VIL1: variants seen among roughly 807,000 people sequenced by gnomAD.
The protein encoded by VIL1 is villin-1.
VIL1 carries 86 observed loss-of-function variants against 104.0 expected under a neutral mutation model. The observed-to-expected ratio is 0.83, with a 90% CI of 0.69 to 0.99. The LOEUF is 0.99. Among genes scored for constraint, VIL1 ranks in the 50% least tolerant of loss-of-function variants. The pLI, the probability that VIL1 is intolerant of heterozygous loss-of-function variation, is 0.00. For synonymous variants in VIL1, 394 were observed against 412.6 expected, an observed-to-expected ratio of 0.95 and a Z score of 0.55; for missense variants, 944 against 1,054.1, an observed-to-expected ratio of 0.90 and a Z score of 1.45.
chr2:218,433,443 G>GAA (rs756161512), intron 13 of VIL1, among the ~76,000 whole-genome samples: 1 of 134,800 alleles, frequency 7.4e-6, no homozygotes. Flanking sequence ...TTTAAAAAAA[G>GAA]AAAAAAAAAA....
intron 1 of VIL1, among the ~76,000 whole-genome samples, chr2:218,419,759 A>C (rs373363984): frequency 6.6e-6 from 1 of 152,118 alleles, no homozygotes; most frequent in East Asian, 1.9e-4. Flanking sequence ...CCACCCTAGC[A>C]TGCACCTCTG....
chr2:218,439,971 G>A (rs1374655066), intron 18 of VIL1, among the ~76,000 whole-genome samples: 1 of 152,136 alleles, frequency 6.6e-6, no homozygotes, highest in Non-Finnish European at 1.5e-5. Flanking sequence ...TGAGGAATGT[G>A]TCCAGAATTC....
intron 19 of VIL1, 94 bp from the exon 20 acceptor site, chr2:218,449,126 TACC>T: frequency 1.2e-6 from 1 of 818,736 alleles, no homozygotes; most frequent in Non-Finnish European, 2.1e-6. Context: ...TTTGATTATA[TACC>T]ACATCTATGA....
Position 218,435,305 on chromosome 2 carries a change from A to T in VIL1, c.1697A>T (p.Glu566Val). 1 of 1,614,022 alleles carries T rather than the reference A, an allele frequency of 6.2e-7. No individual in the cohort carries two copies. The highest frequency in any genetic ancestry group is 8.5e-7 in the Non-Finnish European group (1 of 1,179,920). The change falls in exon 15 of 20, where the codon GAG becomes GTG. Residue 566 changes from glutamate to valine, a missense_variant. Transcript: ENST00000248444. ...LWCGKGCSGD[E>V]REMAKMVADT... ...TTTTCCTAGGGTTGTAGCGGGGACG[A>T]GCGGGAGATGGCCAAGATGGTTGCT...
chr2:218,428,226 G>T lies in VIL1; in HGVS notation c.457-1G>T, dbSNP rs372862662. ...TCTGTGCCTCCCCTGTGGCTCCCTA[G>T]GTAGAGATGTCCTGGAAGAGTTTCA... On this transcript the variant is annotated splice_acceptor_variant, in intron 5 of 19. Transcript: ENST00000248444. LOFTEE classifies it high-confidence loss of function. 185 of 1,613,944 alleles carry T rather than the reference G, an allele frequency of 1.1e-4. No individual in the cohort carries two copies. Among genetic ancestry groups the T allele is most frequent in the Non-Finnish European group, 1.5e-4 (179 of 1,179,956 alleles).
chr2:218,447,516 C>T (rs141406551), intron 19 of VIL1, among the ~76,000 whole-genome samples: 18 of 152,030 alleles, frequency 1.2e-4, no homozygotes, highest in African/African-American at 3.9e-4. Context: ...GATGGGGTTT[C>T]ACCATGTTGC....
intron 12 of VIL1, chr2:218,432,405 G>A: frequency 1.3e-6 from 1 of 772,714 alleles, no homozygotes; most frequent in Non-Finnish European, 2.2e-6. Context: ...ATTGCCTTCT[G>A]CACATTCTTG....
Position 218,423,784 on chromosome 2 carries a change from C to T in VIL1, c.6C>T (p.Thr2=). 6.2e-7 allele frequency: 1 copy of T among 1,614,152 alleles called. No homozygotes were observed. M[T]KLSAQVKGSL... ...CTCCCCCAGGCTCACTCACCATGAC[C>T]AAGCTGAGCGCCCAAGTCAAAGGCT... The change falls in exon 2 of 20, where the codon ACC becomes ACT. Residue 2 remains threonine, a synonymous_variant. Coordinates refer to ENST00000248444, the MANE Select transcript of VIL1 (RefSeq NM_007127.3).
In VIL1 at chr2:218,449,421, A is replaced by T; in HGVS notation, c.*85A>T. The T allele has an allele frequency of 8.3e-7, 1 of 1,200,154 alleles. No individual in the cohort carries two copies. Among genetic ancestry groups the T allele is most frequent in the East Asian group, 2.4e-5 (1 of 41,946 alleles). The allele number at this position is 1,200,154 out of a possible 1,614,324, so 74.3% of individuals were successfully genotyped here. On this transcript the variant is annotated 3_prime_UTR_variant, in exon 20 of 20. Transcript: ENST00000248444. ...ACCGATATTAGTCCTACACCAATTG[A>T]AGTGAAATTTTGCAGATGTGCCTAT...
chr2:218,426,893 T>G (rs890030296), intron 4 of VIL1, among the ~76,000 whole-genome samples: 1 of 152,152 alleles, frequency 6.6e-6, no homozygotes, highest in Non-Finnish European at 1.5e-5. Context: ...TGAGCCACCA[T>G]GCCTGGCCAG....
chr2:218,425,752 C>A lies in VIL1; in HGVS notation c.288C>A (p.His96Gln), dbSNP rs759270222. The stretch of plus-strand genomic sequence containing the variant: ...TCCTGAAGGGCCGGGCTGTGCAGCA[C>A]CGCGAGGTCCAGGGCAACGAGAGCG... ...DDFLKGRAVQHREVQGNESEA... is the reference protein window; with the variant it reads ...DDFLKGRAVQQREVQGNESEA... The change falls in exon 4 of 20, where the codon CAC (histidine) becomes CAA (glutamine). Residue 96 changes from histidine (H) to glutamine (Q), a missense_variant. Physicochemically the swap from His to Gln is conservative, Grantham distance 24. Transcript: ENST00000248444. The A allele has an allele frequency of 4.6e-5, 74 of 1,614,006 alleles. No individual in the cohort carries two copies. Among genetic ancestry groups the A allele is most frequent in the Non-Finnish European group, 6.3e-5 (74 of 1,179,984 alleles).
intron 16 of VIL1, among the ~76,000 whole-genome samples, chr2:218,436,881 A>C (rs77391003): frequency 0.012 from 1,873 of 152,312 alleles, 48 homozygotes; most frequent in African/African-American, 0.043. Flanking sequence ...GTTTTTGAGA[A>C]TCCTGGGCTT....
chr2:218,429,928 G>A lies in VIL1; in HGVS notation c.929G>A (p.Gly310Glu). 6.2e-7 allele frequency: 1 copy of A among 1,608,258 alleles called. No homozygotes were observed. Among genetic ancestry groups the A allele is most frequent in the Non-Finnish European group, 8.5e-7 (1 of 1,176,588 alleles). ...AAAGCCAATGAGCAGGAGAAGAAGG[G>A]AGCCATGAGCCATGCGCTGGTAGTG... ...GKKANEQEKK[G>E]AMSHALNFIK... The change falls in exon 9 of 20, where the codon GGA becomes GAA. Residue 310 changes from glycine to glutamate, a missense_variant. By Grantham distance (98) the Gly-to-Glu change is moderately conservative (BLOSUM62 -2). Transcript: ENST00000248444.
At position 218,432,860 on chromosome 2, in the gene VIL1, A is replaced by G. The variant is rs1689123788; in HGVS notation, c.1409A>G (p.Tyr470Cys). Residue 470 changes from tyrosine (Y) to cysteine (C), a missense_variant, in exon 13 of 20, where the codon TAC becomes TGC. Tyr to Cys is a radical substitution (Grantham distance 194). Transcript: ENST00000248444. ...CAAGCCGTCATCCTGGACCAGAAGT[A>G]CAATGGTGAACCAGTCCAGATCCGG... ...AYQAVILDQK[Y>C]NGEPVQIRVP... 1 of 1,614,102 alleles carries G rather than the reference A, an allele frequency of 6.2e-7. No homozygotes were observed. Among genetic ancestry groups the G allele is most frequent in the Non-Finnish European group, 8.5e-7 (1 of 1,180,056 alleles).
intron 19 of VIL1, among the ~76,000 whole-genome samples, chr2:218,445,179 T>C (rs1279009365): frequency 1.3e-5 from 2 of 152,090 alleles, no homozygotes; most frequent in Non-Finnish European, 1.5e-5. Context: ...GCGGGCAGAT[T>C]GCTTGAGCCC....
chr2:218,434,447 T>A, intron 13 of VIL1, 79 bp from the exon 14 acceptor site: 32 of 1,394,468 alleles, frequency 2.3e-5, no homozygotes, highest in Non-Finnish European at 3.0e-5. Flanking sequence ...CGCCCTACCC[T>A]ATCCCCCTCT....
chr2:218,431,823 G>T, intron 10 of VIL1, 34 bp from the exon 11 acceptor site: 1 of 1,585,196 alleles, frequency 6.3e-7, no homozygotes, highest in Non-Finnish European at 8.6e-7. Context: ...ACCTCAGCTG[G>T]TGACAGTTGG....
Position 218,449,580 on chromosome 2 carries a change from T to C in VIL1, c.*244T>C, listed in dbSNP as rs1689432947. On this transcript the variant is annotated 3_prime_UTR_variant, in exon 20 of 20. Transcript: ENST00000248444. ...TCGCTAGATTGTTTCTATCCTGAGG[T>C]ATTGCATCAATTTTAATACTCCTAT... 1 of 397,100 alleles carries C rather than the reference T, an allele frequency of 2.5e-6. No homozygotes were observed. Among genetic ancestry groups the C allele is most frequent in the Non-Finnish European group, 4.8e-6 (1 of 210,262 alleles). 24.6% of individuals were successfully genotyped at this position (397,100 alleles called of 1,614,324 possible).
intron 13 of VIL1, 43 bp downstream of exon 13, chr2:218,432,994 C>A: frequency 6.2e-7 from 1 of 1,610,468 alleles, no homozygotes; most frequent in African/African-American, 1.3e-5. Context: ...ACCACTGTGG[C>A]AAGACAGGCA....
Sources: allele counts gnomAD v4.1 joint callset (sites outside exome capture counted in the v4.1 genomes callset), GRCh38; gene constraint gnomAD v4.1.1; transcripts MANE v1.5; gene names NCBI Gene and HGNC (gene_info 2026-07-23, HGNC 2026-07-21).